WDR59: variants seen among roughly 807,000 people sequenced by gnomAD.
WDR59 encodes the protein GATOR2 complex protein WDR59.
A neutral mutation model predicts 131.2 loss-of-function variants in WDR59; 100 were observed. The ratio of observed to expected loss-of-function variants is 0.76; its 90% CI spans 0.65 to 0.90. WDR59 has a LOEUF of 0.90. Among genes scored for constraint, WDR59 ranks in the 40% least tolerant of loss-of-function variants. The pLI is 0.00. For synonymous variants in WDR59, 601 were observed against 466.2 expected, an observed-to-expected ratio of 1.29 and a Z score of -3.72; for missense variants, 1,203 against 1,262.2, an observed-to-expected ratio of 0.95 and a Z score of 0.71.
chr16:74,948,431 G>A (rs2032785037), intron 6 of WDR59, 88 bp downstream of exon 6: 2 of 1,227,024 alleles, frequency 1.6e-6, no homozygotes, highest in Non-Finnish European at 2.4e-6. Flanking sequence ...GAGATGGAAA[G>A]GAATAGGAAG....
chr16:74,907,354 G>T (rs1965868284), intron 17 of WDR59, among the ~76,000 whole-genome samples: 1 of 152,166 alleles, frequency 6.6e-6, no homozygotes, highest in African/African-American at 2.4e-5. Context: ...GAGGTGATTG[G>T]ATCATGGGGG....
At chr16:74,932,737 C>T (rs1390875254) in intron 8 of WDR59, among the ~76,000 whole-genome samples, 1 of 152,166 alleles carries the variant, frequency 6.6e-6, no homozygotes, top group Non-Finnish European at 1.5e-5. Flanking sequence ...GATCCTCCCT[C>T]CTCAGACTCC....
intron 9 of WDR59, among the ~76,000 whole-genome samples, chr16:74,922,405 A>T (rs925364907): frequency 9.9e-5 from 15 of 152,218 alleles, no homozygotes; most frequent in African/African-American, 3.6e-4. Context: ...ACTGTTTCAC[A>T]TCCTAGCTAC....
At chr16:74,894,196 A>C (rs1404877784) in intron 18 of WDR59, among the ~76,000 whole-genome samples, 2 of 152,230 alleles carry the variant, frequency 1.3e-5, no homozygotes, top group African/African-American at 2.4e-5. Context: ...GAAACTCATC[A>C]AAATTTTTTT....
intron 8 of WDR59, among the ~76,000 whole-genome samples, chr16:74,937,237 A>C (rs887892357): frequency 5.3e-5 from 8 of 152,226 alleles, no homozygotes; most frequent in Non-Finnish European, 1.0e-4. Flanking sequence ...AACCAGAAAT[A>C]ATCGGGTTAC....
intron 17 of WDR59, among the ~76,000 whole-genome samples, chr16:74,908,137 G>C (rs985148583): frequency 1.3e-5 from 2 of 152,078 alleles, no homozygotes; most frequent in Non-Finnish European, 2.9e-5. Flanking sequence ...AAACTTCCAG[G>C]CTGGGCATGG....
chr16:74,909,313 T>G (rs964093344), intron 16 of WDR59, among the ~76,000 whole-genome samples, 188 bp downstream of exon 16: 5 of 152,068 alleles, frequency 3.3e-5, no homozygotes, highest in Non-Finnish European at 7.4e-5. Flanking sequence ...CCCATTCTGG[T>G]GCACCCTCTT....
intron 1 of WDR59, among the ~76,000 whole-genome samples, chr16:74,980,136 C>T (rs539214361): frequency 1.8e-4 from 28 of 151,684 alleles, no homozygotes; most frequent in Non-Finnish European, 3.5e-4. Context: ...TGGAGTTATA[C>T]GCGTGAGCCA....
intron 2 of WDR59, among the ~76,000 whole-genome samples, chr16:74,961,024 G>T (rs1051071089): frequency 6.6e-6 from 1 of 151,948 alleles, no homozygotes; most frequent in African/African-American, 2.4e-5. Flanking sequence ...ATAAGAAAAT[G>T]CCAGGTGCAG....
At position 74,888,233 on chromosome 16, in the gene WDR59, A is replaced by G. The variant is rs1235291894; in HGVS notation, c.2282T>C (p.Leu761Pro). 2 of 1,614,158 alleles carry G rather than the reference A, an allele frequency of 1.2e-6. No homozygotes were observed. The highest frequency in any genetic ancestry group is 1.7e-6 in the Non-Finnish European group (2 of 1,180,006). The change falls in exon 22 of 26, where the codon CTA becomes CCA. Residue 761 changes from leucine (L) to proline (P), a missense_variant. By Grantham distance (98) the Leu-to-Pro change is moderately conservative. Transcript: ENST00000262144. ...AGGAAAAGGCCCAAAGGGGTTTGGTAGCCCCTGAGGCCGAGACTGGGCTTC... is the reference window on the plus strand; with the variant it reads ...AGGAAAAGGCCCAAAGGGGTTTGGTGGCCCCTGAGGCCGAGACTGGGCTTC... ...VFEAQSRPQG[L>P]PNPFGPFPNR...
In WDR59 at chr16:74,949,707, A is replaced by G. The variant is rs770667214; in HGVS notation, c.407+11T>C. On this transcript the variant is annotated intron_variant, in intron 5 of 25. Transcript: ENST00000262144. Reference sequence around the variant, plus strand: ...CCCAACCAAGTGGTTATGCCTCCTAATTGTTCTTACTTGATATCCCAAATG... The same window carrying G: ...CCCAACCAAGTGGTTATGCCTCCTAGTTGTTCTTACTTGATATCCCAAATG... 27 of 1,613,146 alleles carry G rather than the reference A, an allele frequency of 1.7e-5. 1 individual carries two copies. Among genetic ancestry groups the G allele is most frequent in the Non-Finnish European group, 3.4e-6 (4 of 1,179,476 alleles).
rs547835575 is a variant in WDR59 at position 74,895,718 on chromosome 16, C to G, written c.1867-1906G>C. 1.2e-4 allele frequency among the ~76,000 whole-genome samples: 19 copies of G among 152,276 alleles called. No homozygotes were observed. The East Asian group carries it at 3.7e-3, about 29-fold the overall frequency. ...TTCTAAAAAATTATGTGCATACACA[C>G]AAAAGTGCTATCCTTTTAGACACAA... On this transcript the variant is annotated intron_variant, in intron 18 of 25. Coordinates refer to ENST00000262144, the MANE Select transcript of WDR59 (RefSeq NM_030581.4).
chr16:74,974,595 A>G (rs1173958791), intron 1 of WDR59, among the ~76,000 whole-genome samples: 1 of 152,098 alleles, frequency 6.6e-6, no homozygotes, highest in Non-Finnish European at 1.5e-5. Flanking sequence ...CGTGGATTTT[A>G]GGAGGGTTCC....
intron 25 of WDR59, among the ~76,000 whole-genome samples, chr16:74,878,941 T>C (rs752775895): frequency 6.6e-6 from 1 of 152,230 alleles, no homozygotes; most frequent in Non-Finnish European, 1.5e-5. Flanking sequence ...CTATAAACTA[T>C]AGGCCAGAAA....
intron 6 of WDR59, among the ~76,000 whole-genome samples, chr16:74,944,066 T>C (rs2032431037): frequency 6.6e-6 from 1 of 152,092 alleles, no homozygotes; most frequent in South Asian, 2.1e-4. Context: ...ACAGAGTTAC[T>C]TAAGAGTCCA....
intron 3 of WDR59, among the ~76,000 whole-genome samples, chr16:74,956,116 C>G (rs558029166): frequency 4.6e-5 from 7 of 152,096 alleles, no homozygotes; most frequent in East Asian, 1.9e-4. Flanking sequence ...CACACCAGCT[C>G]GCCAGTTACC....
At chr16:74,930,884 C>T (rs1420857151) in intron 8 of WDR59, 2 of 87,580 alleles carry the variant, frequency 2.3e-5, no homozygotes, top group Non-Finnish European at 4.0e-5. Flanking sequence ...CAGAGAGAGA[C>T]TCCATCTCAA....
intron 19 of WDR59, 21 bp downstream of exon 19, chr16:74,893,658 G>T (rs537516358): frequency 1.2e-6 from 2 of 1,611,624 alleles, no homozygotes; most frequent in Admixed American, 3.3e-5. Flanking sequence ...GAGTGCAGCA[G>T]ACTTGAAATT....
At chr16:74,943,973 GAGT>G (rs1218576369) in intron 6 of WDR59, among the ~76,000 whole-genome samples, 3 of 152,144 alleles carry the variant, frequency 2.0e-5, no homozygotes, top group African/African-American at 7.2e-5. Flanking sequence ...AAGCAAGGAA[GAGT>G]ATTAGGAGGT....
Sources: gnomAD v4.1 joint callset for allele counts (sites outside exome capture counted in the v4.1 genomes callset) on GRCh38, gnomAD v4.1.1 for gene constraint, MANE v1.5 for transcripts, NCBI Gene and HGNC (gene_info 2026-07-23, HGNC 2026-07-21) for gene names.